The following DCC variants were observed in gnomAD, a reference collection of about 807,000 sequenced individuals.
DCC encodes netrin receptor DCC.
DCC carries 58 observed loss-of-function variants against 172.5 expected under a neutral mutation model. That is an observed-to-expected ratio of 0.34 (90% CI 0.27 to 0.42). DCC has a LOEUF of 0.42. Ranked by LOEUF, DCC falls within the 10% of genes least tolerant of loss-of-function variation. The pLI is 1.00. For synonymous variants in DCC, 709 were observed against 644.5 expected (o/e 1.10, Z -1.52); for missense variants, 1,740 against 1,791.0 (o/e 0.97, Z 0.51).
intron 20 of DCC, among the ~76,000 whole-genome samples, chr18:53,413,607 A>G (rs1404060541): frequency 2.0e-5 from 3 of 152,254 alleles, no homozygotes; most frequent in African/African-American, 7.2e-5. Flanking sequence ...GGGTTTGTCT[A>G]TCATTACATG....
chr18:52,720,321 T>C (rs1480625763), intron 1 of DCC, among the ~76,000 whole-genome samples: 3 of 152,238 alleles, frequency 2.0e-5, no homozygotes, highest in Admixed American at 6.5e-5. Flanking sequence ...TTGAGTTCTA[T>C]GAGCGCTCTA....
At chr18:52,422,101 T>G (rs1397836870) in intron 1 of DCC, among the ~76,000 whole-genome samples, 2 of 152,154 alleles carry the variant, frequency 1.3e-5, no homozygotes, top group Non-Finnish European at 2.9e-5. Flanking sequence ...GATAAAATAT[T>G]TATTGCTTTA....
intron 1 of DCC, among the ~76,000 whole-genome samples, chr18:52,493,234 C>A (rs1334329126): frequency 2.0e-5 from 3 of 151,990 alleles, no homozygotes; most frequent in Non-Finnish European, 4.4e-5. Flanking sequence ...GACTTCAGGG[C>A]TAGCACCTTA....
chr18:53,157,662 T>A, intron 8 of DCC, 150 bp downstream of exon 8: 1 of 810,882 alleles, frequency 1.2e-6, no homozygotes, highest in Non-Finnish European at 2.1e-6. Context: ...AGTGGAGATG[T>A]GCACTTTTAA....
chr18:53,473,861 G>A (rs916911165), intron 25 of DCC, among the ~76,000 whole-genome samples: 6 of 152,272 alleles, frequency 3.9e-5, no homozygotes, highest in Middle Eastern at 3.4e-3. Flanking sequence ...CTGAGGCTCT[G>A]AGAGTCTGAA....
At chr18:53,239,807 A>G (rs1025075519) in intron 12 of DCC, among the ~76,000 whole-genome samples, 1 of 152,132 alleles carries the variant, frequency 6.6e-6, no homozygotes, top group African/African-American at 2.4e-5. Context: ...TGGCCTATTC[A>G]AAAAATTATT....
intron 27 of DCC, chr18:53,505,354 CATAAAGAAGTAT>C: frequency 6.6e-6 from 1 of 150,570 alleles, no homozygotes; most frequent in African/African-American, 2.5e-5. Flanking sequence ...TAAAGATGAG[CATAAAGAAGTAT>C]ATAAGAGTTT....
At chr18:53,015,637 T>C (rs1408524835) in intron 5 of DCC, among the ~76,000 whole-genome samples, 1 of 152,160 alleles carries the variant, frequency 6.6e-6, no homozygotes, top group African/African-American at 2.4e-5. Flanking sequence ...AAACATTATG[T>C]TTACAATGTT....
intron 1 of DCC, among the ~76,000 whole-genome samples, chr18:52,737,576 G>T (rs1055513361): frequency 3.3e-5 from 5 of 152,078 alleles, no homozygotes; most frequent in Non-Finnish European, 7.4e-5. Flanking sequence ...AATACATTTG[G>T]TGAAGCCCCT....
chr18:52,927,476 C>T (rs1411887891), intron 5 of DCC, among the ~76,000 whole-genome samples: 1 of 151,840 alleles, frequency 6.6e-6, no homozygotes, highest in Non-Finnish European at 1.5e-5. Context: ...ATGTTTTATT[C>T]CATAAACTTC....
chr18:53,041,823 G>A (rs960721832), intron 5 of DCC, among the ~76,000 whole-genome samples: 2 of 151,642 alleles, frequency 1.3e-5, no homozygotes, highest in Admixed American at 6.6e-5. Flanking sequence ...TACTATTTGT[G>A]TATAGGAATG....
intron 7 of DCC, among the ~76,000 whole-genome samples, chr18:53,147,941 A>G (rs566560801): frequency 2.0e-5 from 3 of 152,350 alleles, no homozygotes; most frequent in African/African-American, 7.2e-5. Context: ...AAAATGACCT[A>G]CATTACTAAA....
chr18:53,159,597 T>C (rs1382260823), intron 8 of DCC, among the ~76,000 whole-genome samples: 1 of 152,186 alleles, frequency 6.6e-6, no homozygotes, highest in Non-Finnish European at 1.5e-5. Flanking sequence ...GCTATACAAA[T>C]ATATGCACAT....
chr18:52,497,260 C>CA lies in DCC; in HGVS notation c.91+156403dup, dbSNP rs111476286. Among the ~76,000 whole-genome samples the CA allele has an allele frequency of 5.8e-3, 312 of 53,920 alleles. 25 individuals carry two copies. Among genetic ancestry groups the CA allele is most frequent in the South Asian group, 0.012 (15 of 1,272 alleles). 35.4% of individuals were successfully genotyped at this position (53,920 alleles called of 152,430 possible). On this transcript the variant is annotated intron_variant, in intron 1 of 28. Transcript: ENST00000442544. ...TGGGTAACAGAGTGAGACCCTGTAT[C>CA]AAAAAAAAAAAAAAAAAAAAATATA...
At chr18:52,657,957 CAT>C (rs1387174737) in intron 1 of DCC, among the ~76,000 whole-genome samples, 1 of 152,176 alleles carries the variant, frequency 6.6e-6, no homozygotes, top group African/African-American at 2.4e-5. Flanking sequence ...GTTATCATCT[CAT>C]AATTCTACAC....
At chr18:53,035,396 T>A (rs1480248517) in intron 5 of DCC, among the ~76,000 whole-genome samples, 8 of 152,130 alleles carry the variant, frequency 5.3e-5, no homozygotes, top group Admixed American at 5.2e-4. Flanking sequence ...AGTTTTAAGG[T>A]CAAGATTTTA....
intron 1 of DCC, among the ~76,000 whole-genome samples, chr18:52,546,923 G>T (rs560673890): frequency 6.6e-6 from 1 of 152,194 alleles, no homozygotes; most frequent in East Asian, 1.9e-4. Flanking sequence ...TTAGAAGTCT[G>T]TCAGAACACG....
At chr18:52,962,286 T>G (rs2145570426) in intron 5 of DCC, among the ~76,000 whole-genome samples, 1 of 151,894 alleles carries the variant, frequency 6.6e-6, no homozygotes, top group East Asian at 1.9e-4. Flanking sequence ...CATCAAAAAG[T>G]GGGCAAAGGA....
chr18:53,530,301 T>A, intron 28 of DCC: 1 of 702,534 alleles, frequency 1.4e-6, no homozygotes, highest in Non-Finnish European at 2.6e-6. Context: ...GAGAACTTGA[T>A]TTGAAACCCA....
Sources: allele counts gnomAD v4.1 joint callset (sites outside exome capture counted in the v4.1 genomes callset), GRCh38; gene constraint gnomAD v4.1.1; transcripts MANE v1.5; gene names NCBI Gene and HGNC (gene_info 2026-07-23, HGNC 2026-07-21).